SYNE2: variants seen among roughly 807,000 people sequenced by gnomAD.
SYNE2 encodes the protein nesprin-2.
Under a neutral mutation model 856.3 loss-of-function variants are expected in SYNE2, and 431 were observed. The observed-to-expected ratio is 0.50, with a 90% CI of 0.47 to 0.55. The LOEUF (loss-of-function observed/expected upper bound fraction) is 0.55, where lower values mean the gene tolerates loss of function less well. Among genes scored for constraint, SYNE2 ranks in the 20% least tolerant of loss-of-function variants. The pLI is 0.00. For synonymous variants in SYNE2, 2,923 were observed against 2,872.3 expected (o/e 1.02, Z -0.56); for missense variants, 8,129 against 8,023.2 (o/e 1.01, Z -0.50).
chr14:63,935,702 C>A (rs1227360634), intron 2 of SYNE2, among the ~76,000 whole-genome samples: 1 of 152,104 alleles, frequency 6.6e-6, no homozygotes, highest in African/African-American at 2.4e-5. Flanking sequence ...AATATAACAA[C>A]CACAGTGATA....
intron 47 of SYNE2, among the ~76,000 whole-genome samples, chr14:64,050,555 A>G (rs985807733): frequency 1.3e-5 from 2 of 152,208 alleles, no homozygotes; most frequent in African/African-American, 4.8e-5. Flanking sequence ...GGAGACAAGC[A>G]TATGTAATTG....
Position 63,998,311 on chromosome 14 carries a change from A to C in SYNE2, c.3336A>C (p.Ile1112=), listed in dbSNP as rs1567009450. The stretch of plus-strand genomic sequence containing the variant: ...TGGAAAAGGATTACAGTGCATCTAT[A>C]AATAGTTTACTAGAGAGGTAAACTC... The part of the protein sequence containing the change: ...SIMEKDYSAS[I]NSLLERYDTY... The change falls in exon 26 of 116, where the codon ATA becomes ATC. Residue 1112 remains isoleucine, a synonymous_variant. Coordinates refer to ENST00000555002, the MANE Select transcript of SYNE2 (RefSeq NM_182914.3). The C allele has an allele frequency of 6.2e-7, 1 of 1,611,260 alleles. No individual in the cohort carries two copies. Among genetic ancestry groups the C allele is most frequent in the Non-Finnish European group, 8.5e-7 (1 of 1,177,384 alleles).
chr14:64,155,671 A>G (rs746368580), intron 85 of SYNE2, among the ~76,000 whole-genome samples: 6 of 152,022 alleles, frequency 3.9e-5, no homozygotes, highest in Non-Finnish European at 7.3e-5. Flanking sequence ...TCAAACCTGT[A>G]ATGTCAGCAC....
chr14:63,765,462 C>T (rs552761321), intron 1 of SYNE2, among the ~76,000 whole-genome samples: 1 of 152,272 alleles, frequency 6.6e-6, no homozygotes, highest in South Asian at 2.1e-4. Context: ...ACACCATTCT[C>T]CCACCTCAGC....
intron 28 of SYNE2, 57 bp downstream of exon 28, chr14:64,000,776 G>A: frequency 6.8e-7 from 1 of 1,475,956 alleles, no homozygotes. Context: ...ATCCTGTAAT[G>A]CCATTTTAAG....
intron 57 of SYNE2, among the ~76,000 whole-genome samples, chr14:64,081,937 T>G (rs540626918): frequency 6.6e-6 from 1 of 152,126 alleles, no homozygotes; most frequent in East Asian, 1.9e-4. Flanking sequence ...ATACAAAAAA[T>G]TAGCTGGGCA....
At chr14:63,807,691 G>C (rs1420163744) in intron 1 of SYNE2, among the ~76,000 whole-genome samples, 1 of 147,298 alleles carries the variant, frequency 6.8e-6, no homozygotes, top group Non-Finnish European at 1.5e-5. Context: ...TTGAAACAAG[G>C]TGTCACTCTG....
chr14:63,906,037 GT>G (rs1485403348), intron 1 of SYNE2, among the ~76,000 whole-genome samples: 3 of 152,016 alleles, frequency 2.0e-5, no homozygotes, highest in Admixed American at 6.6e-5. Flanking sequence ...TATATAAAAA[GT>G]TTTTCTGTGT....
chr14:63,875,333 C>T (rs2094690371), intron 1 of SYNE2, among the ~76,000 whole-genome samples: 1 of 152,146 alleles, frequency 6.6e-6, no homozygotes, highest in Non-Finnish European at 1.5e-5. Context: ...AAGACCAGAG[C>T]TAACAGAATG....
At chr14:64,186,758 G>C (rs1039497112) in intron 97 of SYNE2, among the ~76,000 whole-genome samples, 179 bp downstream of exon 97, 8 of 152,212 alleles carry the variant, frequency 5.3e-5, no homozygotes, top group Admixed American at 2.0e-4. Context: ...TGACCCTTTT[G>C]TTTCTCCAGC....
At chr14:64,106,834 A>G (rs2153649283) in intron 64 of SYNE2, among the ~76,000 whole-genome samples, 1 of 152,306 alleles carries the variant, frequency 6.6e-6, no homozygotes, top group Admixed American at 6.5e-5. Flanking sequence ...TGAGAATACA[A>G]TGAGAATTTA....
chr14:64,219,961 T>TGCC (rs764739344), intron 110 of SYNE2, among the ~76,000 whole-genome samples: 1 of 152,130 alleles, frequency 6.6e-6, no homozygotes, highest in Non-Finnish European at 1.5e-5. Flanking sequence ...GCTTTAAGGG[T>TGCC]GCCATGAGCA....
chr14:63,960,767 T>C (rs1265464959), intron 8 of SYNE2: 2 of 764,266 alleles, frequency 2.6e-6, no homozygotes, highest in Admixed American at 3.4e-5. Flanking sequence ...TTTACAGAAT[T>C]TATATGCCTG....
In SYNE2 at chr14:64,026,710, T is replaced by A. The variant is rs752995209; in HGVS notation, c.6384T>A (p.His2128Gln). The A allele has an allele frequency of 6.2e-7, 1 of 1,610,570 alleles. No homozygotes were observed. Among genetic ancestry groups the A allele is most frequent in the Admixed American group, 1.7e-5 (1 of 59,526 alleles). Residue 2128 changes from histidine to glutamine, a missense_variant, in exon 42 of 116, where the codon CAT becomes CAA. This residue lies in a region of SYNE2 where 297 missense variants were observed against 380.9 expected (regional missense o/e 0.78). Transcript: ENST00000555002. ...GCAACCAGTGGGACAACACACTCCA[T>A]TTAGCTAGCACCTACCTAAGGTAAA... ...DISNQWDNTL[H>Q]LASTYLSHQE...
intron 11 of SYNE2, among the ~76,000 whole-genome samples, chr14:63,974,914 A>ATATATATATATATATATATATG (rs1260422403): frequency 3.5e-5 from 3 of 85,522 alleles, no homozygotes; most frequent in African/African-American, 4.6e-5. Context: ...ATATATATAT[A>ATATATATATATATATATATATG]TATGTATCTT....
In SYNE2 at chr14:63,801,491, C is replaced by T. The variant is rs138477556; in HGVS notation, c.-305+39505C>T. Among the ~76,000 whole-genome samples the T allele has an allele frequency of 7.8e-3, 1,181 of 152,240 alleles. 17 individuals are homozygous for T. The highest frequency in any genetic ancestry group is 0.027 in the African/African-American group (1,118 of 41,544). On this transcript the variant is annotated intron_variant, in intron 1 of 23. Transcript: ENST00000674003. The stretch of plus-strand genomic sequence containing the variant: ...GTTCGAGACCTCGAGACCAGCCTGA[C>T]CAACATGGAGAAGCCCCATCTCTAC...
intron 1 of SYNE2, among the ~76,000 whole-genome samples, chr14:63,858,285 T>TC (rs1892449367): frequency 7.2e-6 from 1 of 138,600 alleles, no homozygotes; most frequent in East Asian, 2.1e-4. Flanking sequence ...TTTTTTTTTT[T>TC]TTTTTTTTTG....
At chr14:63,936,569 G>T in intron 2 of SYNE2, among the ~76,000 whole-genome samples, 1 of 152,166 alleles carries the variant, frequency 6.6e-6, no homozygotes, top group East Asian at 1.9e-4. Context: ...AAAGCCTAAG[G>T]TGGGAATGGG....
chr14:64,083,190 A>G (rs1282561840), intron 57 of SYNE2, among the ~76,000 whole-genome samples: 2 of 152,078 alleles, frequency 1.3e-5, no homozygotes, highest in Non-Finnish European at 2.9e-5. Context: ...TAACAGTTGT[A>G]AAGATGCTGC....
Sources: allele counts gnomAD v4.1 joint callset (sites outside exome capture counted in the v4.1 genomes callset), GRCh38; gene constraint gnomAD v4.1.1; regional missense constraint gnomAD v4.1.1; transcripts MANE v1.5; gene names NCBI Gene and HGNC (gene_info 2026-07-23, HGNC 2026-07-21).